Variants in RBFOX1 observed in about 807,000 individuals in gnomAD.
RBFOX1 encodes the protein RNA binding protein fox-1 homolog 1.
Under a neutral mutation model 57.7 loss-of-function variants are expected in RBFOX1, and 8 were observed. The ratio of observed to expected loss-of-function variants is 0.14; its 90% CI spans 0.08 to 0.25. The LOEUF is 0.25. Ranked by LOEUF, RBFOX1 falls within the 10% of genes least tolerant of loss-of-function variation. The pLI, the probability that RBFOX1 is intolerant of heterozygous loss-of-function variation, is 1.00. For missense variants in RBFOX1, 611 were observed against 548.5 expected (o/e 1.11, Z -1.14); for synonymous variants, 326 against 222.4 (o/e 1.47, Z -4.15).
intron 1 of RBFOX1, among the ~76,000 whole-genome samples, chr16:6,130,947 A>C (rs991811468): frequency 6.6e-6 from 1 of 152,038 alleles, no homozygotes; most frequent in African/African-American, 2.4e-5. Flanking sequence ...GCAATCAACA[A>C]CTCTCTCTGA....
chr16:5,665,011 C>T (rs540627199), intron 3 of RBFOX1, among the ~76,000 whole-genome samples: 7 of 151,724 alleles, frequency 4.6e-5, no homozygotes, highest in Non-Finnish European at 4.4e-5. Context: ...GTGGCACAGT[C>T]CTAGCTCACT....
intron 15 of RBFOX1, chr16:7,709,564 G>A: frequency 6.5e-7 from 1 of 1,530,610 alleles, no homozygotes; most frequent in Non-Finnish European, 8.8e-7. Context: ...CTGCTGTCAG[G>A]CAGCTGAGAA....
At chr16:7,460,383 ATATATATGTGTGTG>A (rs1333252011) in intron 4 of RBFOX1, among the ~76,000 whole-genome samples, 1 of 87,406 alleles carries the variant, frequency 1.1e-5, no homozygotes, top group Non-Finnish European at 2.0e-5. Context: ...ATATATATAT[ATATATATGTGTGTG>A]TGTGTGTGTG....
At chr16:5,548,596 T>C (rs531337765) in intron 2 of RBFOX1, among the ~76,000 whole-genome samples, 2 of 152,182 alleles carry the variant, frequency 1.3e-5, no homozygotes, top group African/African-American at 4.8e-5. Flanking sequence ...TGCATGCCTG[T>C]ATCAAAACAT....
At chr16:6,347,003 T>A (rs1450073440) in intron 2 of RBFOX1, among the ~76,000 whole-genome samples, 1 of 152,142 alleles carries the variant, frequency 6.6e-6, no homozygotes, top group East Asian at 1.9e-4. Flanking sequence ...CTTGTTTACA[T>A]TGAATAAAGA....
At chr16:5,564,745 T>C (rs1179094888) in intron 2 of RBFOX1, among the ~76,000 whole-genome samples, 5 of 152,110 alleles carry the variant, frequency 3.3e-5, no homozygotes, top group Non-Finnish European at 7.4e-5. Context: ...ATTTATTGAG[T>C]GCATATCAAG....
intron 10 of RBFOX1, chr16:7,614,757 A>T (rs1248171532): frequency 6.6e-6 from 1 of 152,218 alleles, no homozygotes; most frequent in Non-Finnish European, 1.5e-5. Flanking sequence ...AGCCACTTGC[A>T]GGTACTTGCT....
At chr16:6,270,952 T>C (rs953568123) in intron 1 of RBFOX1, among the ~76,000 whole-genome samples, 26 of 152,044 alleles carry the variant, frequency 1.7e-4, no homozygotes, top group Admixed American at 1.5e-3. Flanking sequence ...ATTCCATGGA[T>C]TAAAGAAGGA....
At chr16:5,340,950 G>A (rs1384892773) in intron 1 of RBFOX1, among the ~76,000 whole-genome samples, 1 of 152,120 alleles carries the variant, frequency 6.6e-6, no homozygotes, top group Admixed American at 6.5e-5. Context: ...AGGGGTTCGG[G>A]GAAGTCTTCC....
rs149429360 is a variant in RBFOX1 at position 6,411,886 on chromosome 16, C to G, written c.-64+94829C>G. Among the ~76,000 whole-genome samples the G allele has an allele frequency of 8.4e-3, 1,285 of 152,116 alleles. 12 individuals are homozygous for G. Among genetic ancestry groups the G allele is most frequent in the South Asian group, 0.027 (131 of 4,814 alleles). On this transcript the variant is annotated intron_variant, in intron 2 of 15. Coordinates refer to ENST00000550418, the MANE Select transcript of RBFOX1 (RefSeq NM_018723.4). The stretch of plus-strand genomic sequence containing the variant: ...TGGTGGCTCACGCCTGTAATCCCAG[C>G]ACTTTGGGCGGCTGAGGTGGTCGGC...
intron 10 of RBFOX1, among the ~76,000 whole-genome samples, chr16:7,618,272 G>C (rs1249356192): frequency 6.6e-6 from 1 of 152,122 alleles, no homozygotes; most frequent in African/African-American, 2.4e-5. Flanking sequence ...ACACCTGTTG[G>C]TGAGTTAGTA....
In RBFOX1 at chr16:5,490,756, C is replaced by T. The variant is rs1379514249; in HGVS notation, c.258+23502C>T. 2.0e-5 allele frequency among the ~76,000 whole-genome samples: 3 copies of T among 152,158 alleles called. No individual in the cohort carries two copies. The East Asian group carries it at 5.8e-4, about 29-fold the overall frequency. On this transcript the variant is annotated intron_variant, in intron 2 of 2. Coordinates refer to the RBFOX1 transcript ENST00000585867. ...TGGGAGAGCAGAGATCATGAAGCTGCCGCGCCCCCTGCAGGCCGTGGGCTA... is the reference window on the plus strand; with the variant it reads ...TGGGAGAGCAGAGATCATGAAGCTGTCGCGCCCCCTGCAGGCCGTGGGCTA...
At chr16:7,501,221 C>G (rs1208608900) in intron 4 of RBFOX1, among the ~76,000 whole-genome samples, 1 of 152,168 alleles carries the variant, frequency 6.6e-6, no homozygotes, top group African/African-American at 2.4e-5. Flanking sequence ...AAAGTGACTA[C>G]TTGTTTCCTC....
At chr16:6,638,149 G>A (rs2098460045) in intron 2 of RBFOX1, among the ~76,000 whole-genome samples, 1 of 152,088 alleles carries the variant, frequency 6.6e-6, no homozygotes, top group South Asian at 2.1e-4. Context: ...ACTTTAATGG[G>A]ATTATTTTTA....
intron 1 of RBFOX1, among the ~76,000 whole-genome samples, chr16:5,443,571 C>G (rs1470028358): frequency 6.6e-6 from 1 of 152,134 alleles, no homozygotes; most frequent in Non-Finnish European, 1.5e-5. Context: ...AACTCCTGGC[C>G]TCAAGTGATT....
intron 1 of RBFOX1, among the ~76,000 whole-genome samples, chr16:5,266,159 C>G (rs2062852259): frequency 6.6e-6 from 1 of 152,126 alleles, no homozygotes. Flanking sequence ...AGAGCAGATA[C>G]TGTGTGATTG....
chr16:6,826,877 GATGA>G (rs2092216634), intron 3 of RBFOX1, among the ~76,000 whole-genome samples: 1 of 152,164 alleles, frequency 6.6e-6, no homozygotes, highest in African/African-American at 2.4e-5. Flanking sequence ...GTTTCCGTAT[GATGA>G]ATAAGAAATT....
At chr16:5,697,463 C>A (rs1440931838) in intron 3 of RBFOX1, among the ~76,000 whole-genome samples, 1 of 150,596 alleles carries the variant, frequency 6.6e-6, no homozygotes, top group African/African-American at 2.4e-5. Context: ...TTGCCTATTG[C>A]ACGAGCTAGA....
intron 2 of RBFOX1, among the ~76,000 whole-genome samples, chr16:6,646,027 T>C (rs757277194): frequency 8.6e-5 from 13 of 152,040 alleles, no homozygotes; most frequent in Non-Finnish European, 1.5e-4. Context: ...CTACAAAAAG[T>C]AGAAGGGCTG....
Sources: allele counts gnomAD v4.1 joint callset (sites outside exome capture counted in the v4.1 genomes callset), GRCh38; gene constraint gnomAD v4.1.1; transcripts MANE v1.5; gene names NCBI Gene and HGNC (gene_info 2026-07-23, HGNC 2026-07-21).